The following GRM8 variants were observed in gnomAD, a reference collection of about 807,000 sequenced individuals.
GRM8 encodes the protein metabotropic glutamate receptor 8.
In GRM8, 47 loss-of-function variants were observed where a neutral mutation model predicts 87.2. The ratio of observed to expected loss-of-function variants is 0.54; its 90% confidence interval spans 0.43 to 0.69. The LOEUF is 0.69. GRM8 is among the 30% of genes least tolerant of loss of function. The pLI is 0.00. For synonymous variants in GRM8, 396 were observed against 404.5 expected (o/e 0.98, Z 0.25); for missense variants, 1,019 against 1,139.2 (o/e 0.89, Z 1.52).
At chr7:126,979,446 A>C (rs1811316728) in intron 3 of GRM8, among the ~76,000 whole-genome samples, 1 of 152,228 alleles carries the variant, frequency 6.6e-6, no homozygotes, top group Non-Finnish European at 1.5e-5. Flanking sequence ...CTATACTTAC[A>C]GTATTGAAAG....
intron 3 of GRM8, among the ~76,000 whole-genome samples, chr7:126,936,866 T>C (rs1000348939): frequency 6.6e-6 from 1 of 152,136 alleles, no homozygotes; most frequent in African/African-American, 2.4e-5. Context: ...ATTGAGACCA[T>C]TGGGTAAAAA....
intron 2 of GRM8, among the ~76,000 whole-genome samples, chr7:127,238,787 T>C (rs946188313): frequency 6.6e-6 from 1 of 152,162 alleles, no homozygotes; most frequent in Non-Finnish European, 1.5e-5. Context: ...TGACACCACT[T>C]CCCTCTAGGT....
At chr7:126,795,667 A>G (rs749676188) in intron 6 of GRM8, among the ~76,000 whole-genome samples, 2 of 152,118 alleles carry the variant, frequency 1.3e-5, no homozygotes, top group Admixed American at 6.6e-5. Context: ...CAGAAAATTA[A>G]CAGCATTTCC....
intron 2 of GRM8, among the ~76,000 whole-genome samples, chr7:127,238,306 A>ATGTG (rs3039798): frequency 0.037 from 5,415 of 146,828 alleles, 154 homozygotes; most frequent in African/African-American, 0.077. Flanking sequence ...GTGTGTGTGC[A>ATGTG]TGTGTGTGTG....
At chr7:126,591,748 AAGTTAGT>A (rs1481448731) in intron 8 of GRM8, among the ~76,000 whole-genome samples, 2 of 151,732 alleles carry the variant, frequency 1.3e-5, no homozygotes, top group Non-Finnish European at 2.9e-5. Context: ...ACTAAGCTCA[AAGTTAGT>A]AGAAGGAAGG....
intron 8 of GRM8, among the ~76,000 whole-genome samples, chr7:126,562,676 C>T (rs1411399369): frequency 6.6e-6 from 1 of 152,180 alleles, no homozygotes; most frequent in Non-Finnish European, 1.5e-5. Context: ...GGGCAGATCA[C>T]CTGAGGTTGG....
At chr7:126,786,025 G>C (rs1365704517) in intron 6 of GRM8, among the ~76,000 whole-genome samples, 1 of 151,916 alleles carries the variant, frequency 6.6e-6, no homozygotes, top group Admixed American at 6.6e-5. Context: ...TGGAGCACTA[G>C]GAAAACCATA....
intron 9 of GRM8, chr7:126,447,112 G>GA (rs1723041747): frequency 6.6e-6 from 1 of 151,568 alleles, no homozygotes; most frequent in South Asian, 2.1e-4. Context: ...TTATCCCACT[G>GA]AAATCGACTG....
chr7:127,109,514 G>T (rs1587042305), intron 2 of GRM8, among the ~76,000 whole-genome samples: 1 of 152,144 alleles, frequency 6.6e-6, no homozygotes, highest in African/African-American at 2.4e-5. Flanking sequence ...GAGATTTAAT[G>T]CTCTCCTCTA....
chr7:126,953,824 A>C (rs914898094), intron 3 of GRM8, among the ~76,000 whole-genome samples: 1 of 152,118 alleles, frequency 6.6e-6, no homozygotes, highest in African/African-American at 2.4e-5. Flanking sequence ...AGTGGATTAT[A>C]CAACATTTTA....
chr7:127,227,803 TGGAA>T (rs1401568407), intron 2 of GRM8, among the ~76,000 whole-genome samples: 3 of 152,216 alleles, frequency 2.0e-5, no homozygotes, highest in African/African-American at 4.8e-5. Flanking sequence ...ACAACGTTTC[TGGAA>T]GCCATGTGAT....
chr7:126,914,074 T>A (rs1454622764), intron 3 of GRM8, among the ~76,000 whole-genome samples: 1 of 152,104 alleles, frequency 6.6e-6, no homozygotes, highest in Non-Finnish European at 1.5e-5. Flanking sequence ...CTACCATGCA[T>A]AGGGAAATAA....
At chr7:126,517,176 A>G (rs560185784) in intron 9 of GRM8, among the ~76,000 whole-genome samples, 1 of 152,234 alleles carries the variant, frequency 6.6e-6, no homozygotes, top group Non-Finnish European at 1.5e-5. Flanking sequence ...TAGGTACTAT[A>G]GTTACTGCAG....
chr7:126,739,810 T>G (rs1027785535), intron 7 of GRM8, among the ~76,000 whole-genome samples: 1 of 152,132 alleles, frequency 6.6e-6, no homozygotes, highest in Admixed American at 6.6e-5. Context: ...TAATTTTCTA[T>G]GTTTAGATAG....
At chr7:126,724,095 G>A (rs547138355) in intron 7 of GRM8, among the ~76,000 whole-genome samples, 1 of 152,210 alleles carries the variant, frequency 6.6e-6, no homozygotes, top group South Asian at 2.1e-4. Context: ...GAGATATCGT[G>A]ATTCACTTGA....
At chr7:126,875,127 T>C (rs1274481539) in intron 6 of GRM8, among the ~76,000 whole-genome samples, 1 of 152,152 alleles carries the variant, frequency 6.6e-6, no homozygotes. Context: ...CAAACTAATT[T>C]AGAAAGTCTC....
At chr7:127,222,609 G>A (rs1012514246) in intron 2 of GRM8, among the ~76,000 whole-genome samples, 7 of 152,160 alleles carry the variant, frequency 4.6e-5, no homozygotes, top group Admixed American at 4.6e-4. Context: ...GTTTGCACTG[G>A]TTTCTTTCAC....
intron 2 of GRM8, among the ~76,000 whole-genome samples, chr7:127,181,438 T>G (rs1794427844): frequency 6.6e-6 from 1 of 152,058 alleles, no homozygotes; most frequent in South Asian, 2.1e-4. Flanking sequence ...AATCTATACA[T>G]TCAACACATT....
chr7:126,814,335 C>A (rs1350755381), intron 6 of GRM8, among the ~76,000 whole-genome samples: 6 of 152,066 alleles, frequency 3.9e-5, no homozygotes, highest in Non-Finnish European at 7.4e-5. Context: ...TGAACCTCCC[C>A]TGTAAGGGAC....
Sources: gnomAD v4.1 joint callset for allele counts (sites outside exome capture counted in the v4.1 genomes callset) on GRCh38, gnomAD v4.1.1 for gene constraint, MANE v1.5 for transcripts, NCBI Gene and HGNC (gene_info 2026-07-23, HGNC 2026-07-21) for gene names.